The following PBX3 variants were observed in gnomAD, a reference collection of about 807,000 sequenced individuals.
The protein encoded by PBX3 is pre-B-cell leukemia transcription factor 3.
Under a neutral mutation model 48.5 loss-of-function variants are expected in PBX3, and 14 were observed. The ratio of observed to expected loss-of-function variants is 0.29; its 90% CI spans 0.19 to 0.45. The LOEUF (loss-of-function observed/expected upper bound fraction) is 0.45, where lower values mean the gene tolerates loss of function less well. PBX3 is among the 20% of genes least tolerant of loss of function. The probability of loss-of-function intolerance (pLI) is 1.00; values close to 1 mark genes in which losing one functional copy is unlikely to be tolerated. For synonymous variants in PBX3, 210 were observed against 200.3 expected, an observed-to-expected ratio of 1.05 and a Z score of -0.41; for missense variants, 386 against 546.7, an observed-to-expected ratio of 0.71 and a Z score of 2.93.
intron 2 of PBX3, among the ~76,000 whole-genome samples, chr9:125,835,581 A>G (rs1839109026): frequency 6.6e-6 from 1 of 152,234 alleles, no homozygotes; most frequent in Non-Finnish European, 1.5e-5. Flanking sequence ...TCTCAAAAGA[A>G]GACATATGAA....
chr9:125,749,654 G>A (rs1836313944), intron 2 of PBX3: 1 of 151,514 alleles, frequency 6.6e-6, no homozygotes, highest in Admixed American at 6.6e-5. Context: ...TGAAGTCCAG[G>A]ATATAGCACT....
At chr9:125,836,455 A>G (rs1376484760) in intron 2 of PBX3, among the ~76,000 whole-genome samples, 1 of 152,098 alleles carries the variant, frequency 6.6e-6, no homozygotes, top group Non-Finnish European at 1.5e-5. Flanking sequence ...AAAAAAAAAA[A>G]TTGATCTTGT....
At chr9:125,872,643 C>T (rs1381359114) in intron 2 of PBX3, among the ~76,000 whole-genome samples, 1 of 151,854 alleles carries the variant, frequency 6.6e-6, no homozygotes, top group Non-Finnish European at 1.5e-5. Context: ...ACCTGTACTC[C>T]TAGCTACTCT....
intron 2 of PBX3, among the ~76,000 whole-genome samples, chr9:125,780,942 C>G (rs1837280656): frequency 7.8e-6 from 1 of 128,506 alleles, no homozygotes; most frequent in East Asian, 2.5e-4. Context: ...CAGAGACGCT[C>G]CTCACCTCCC....
intron 5 of PBX3, among the ~76,000 whole-genome samples, chr9:125,953,825 G>A (rs576894498): frequency 2.6e-5 from 4 of 152,312 alleles, no homozygotes; most frequent in East Asian, 3.9e-4. Flanking sequence ...ACATAGAGAA[G>A]TTAAAATGTA....
intron 2 of PBX3, among the ~76,000 whole-genome samples, chr9:125,869,458 A>G (rs936593754): frequency 6.6e-6 from 1 of 152,216 alleles, no homozygotes; most frequent in African/African-American, 2.4e-5. Flanking sequence ...AGATAACATC[A>G]CCAAGGAGTA....
At chr9:125,804,822 C>A (rs1838070817) in intron 2 of PBX3, among the ~76,000 whole-genome samples, 1 of 117,170 alleles carries the variant, frequency 8.5e-6, no homozygotes, top group African/African-American at 2.7e-5. Flanking sequence ...TGGCGGGTAC[C>A]TGTAATCCCA....
chr9:125,874,082 A>T (rs1330476759), intron 2 of PBX3, among the ~76,000 whole-genome samples: 2 of 152,204 alleles, frequency 1.3e-5, no homozygotes, highest in Non-Finnish European at 2.9e-5. Context: ...CTTTGTCAAT[A>T]CATTTGACAT....
At chr9:125,839,665 G>A (rs1174039438) in intron 2 of PBX3, among the ~76,000 whole-genome samples, 1 of 152,184 alleles carries the variant, frequency 6.6e-6, no homozygotes, top group Admixed American at 6.5e-5. Context: ...TGTTAGGAAA[G>A]TTAGGGAAGA....
chr9:125,879,077 C>CT (rs36094728), intron 2 of PBX3, among the ~76,000 whole-genome samples: 69,251 of 124,586 alleles, frequency 0.56, 21,277 homozygotes, highest in South Asian at 0.68. Flanking sequence ...ACATGCTATT[C>CT]TTTTTTTTTT....
intron 5 of PBX3, among the ~76,000 whole-genome samples, chr9:125,954,885 T>TA (rs1383890314): frequency 6.6e-6 from 1 of 152,222 alleles, no homozygotes. Context: ...GTGCTATTTA[T>TA]ATTTGGTTGG....
chr9:125,782,428 A>G (rs969597803), intron 2 of PBX3, among the ~76,000 whole-genome samples: 1 of 152,116 alleles, frequency 6.6e-6, no homozygotes, highest in African/African-American at 2.4e-5. Context: ...TTGCCCACCT[A>G]GTTTCAATAG....
chr9:125,900,783 T>C (rs1840927252), intron 2 of PBX3, among the ~76,000 whole-genome samples: 2 of 151,786 alleles, frequency 1.3e-5, no homozygotes, highest in Admixed American at 1.3e-4. Context: ...GTGCTGAATG[T>C]GGAATTTATT....
chr9:125,767,275 T>C (rs1022553937), intron 2 of PBX3, among the ~76,000 whole-genome samples: 1 of 152,234 alleles, frequency 6.6e-6, no homozygotes, highest in Non-Finnish European at 1.5e-5. Context: ...TATGTATGTC[T>C]AAATCTCATC....
At chr9:125,866,665 G>T (rs1306909658) in intron 2 of PBX3, among the ~76,000 whole-genome samples, 4 of 152,174 alleles carry the variant, frequency 2.6e-5, no homozygotes, top group Non-Finnish European at 4.4e-5. Flanking sequence ...TGGTTTTTCA[G>T]CTTCTATATC....
At chr9:125,779,657 T>C (rs1019286494) in intron 2 of PBX3, among the ~76,000 whole-genome samples, 13 of 133,482 alleles carry the variant, frequency 9.7e-5, no homozygotes, top group African/African-American at 3.7e-4. Context: ...CCATGTCTAC[T>C]TCTTTCTACA....
At chr9:125,758,145 A>C (rs1294679982) in intron 2 of PBX3, among the ~76,000 whole-genome samples, 1 of 151,962 alleles carries the variant, frequency 6.6e-6, no homozygotes, top group African/African-American at 2.4e-5. Flanking sequence ...GAAATGATGG[A>C]CTCTATAAAC....
intron 2 of PBX3, among the ~76,000 whole-genome samples, chr9:125,793,854 A>AAT (rs1837695579): frequency 6.6e-6 from 1 of 152,114 alleles, no homozygotes; most frequent in Non-Finnish European, 1.5e-5. Flanking sequence ...CGTTATATTA[A>AAT]ATATATATAA....
chr9:125,817,005 C>T (rs1164317623), intron 2 of PBX3, among the ~76,000 whole-genome samples: 1 of 152,150 alleles, frequency 6.6e-6, no homozygotes, highest in East Asian at 1.9e-4. Context: ...GCATGCGTAG[C>T]TGATCTTCAC....
Sources: allele counts gnomAD v4.1 joint callset (sites outside exome capture counted in the v4.1 genomes callset), GRCh38; gene constraint gnomAD v4.1.1; transcripts MANE v1.5; gene names NCBI Gene and HGNC (gene_info 2026-07-23, HGNC 2026-07-21).